Variants in TMEM255A observed in about 807,000 individuals in gnomAD.
TMEM255A encodes the protein transmembrane protein 255A.
Under a neutral mutation model 23.5 loss-of-function variants are expected in TMEM255A, and 14 were observed. That is an observed-to-expected ratio of 0.60 (90% CI 0.39 to 0.93). The LOEUF is 0.93. TMEM255A is among the 40% of genes least tolerant of loss of function. TMEM255A has a pLI of 0.00. For missense variants in TMEM255A, 233 were observed against 261.7 expected, an observed-to-expected ratio of 0.89 and a Z score of 0.76; for synonymous variants, 104 against 100.3, an observed-to-expected ratio of 1.04 and a Z score of -0.22.
chrX:120,273,306 C>T, intron 7 of TMEM255A: 1 of 316,065 alleles, frequency 3.2e-6, no homozygotes. Context: ...ATCATGCTTG[C>T]AGATGATGAC....
At chrX:120,254,978 G>A, downstream of TMEM255A, 1 of 1,212,068 alleles carries the variant, frequency 8.3e-7, no homozygotes, top group Non-Finnish European at 1.1e-6. Context: ...GGGAGAAGAA[G>A]TATCCGTGCC....
intron 4 of TMEM255A, among the ~76,000 whole-genome samples, chrX:120,288,526 CA>C (rs1276486587): frequency 8.9e-6 from 1 of 112,186 alleles, no homozygotes; most frequent in Non-Finnish European, 1.9e-5. Flanking sequence ...CCTGGTTTTG[CA>C]AAAAGCATTC....
chrX:120,269,591 C>G (rs1226243652), intron 7 of TMEM255A, among the ~76,000 whole-genome samples: 3 of 111,790 alleles, frequency 2.7e-5, no homozygotes, highest in Non-Finnish European at 5.6e-5. Flanking sequence ...CTGTTGCTCT[C>G]TTCCTTGGAG....
chrX:120,299,649 G>A (rs1290289603), intron 2 of TMEM255A, among the ~76,000 whole-genome samples: 2 of 112,077 alleles, frequency 1.8e-5, no homozygotes, highest in African/African-American at 6.5e-5. Context: ...TAGTAAGTGA[G>A]GGACTTATAT....
intron 3 of TMEM255A, among the ~76,000 whole-genome samples, chrX:120,292,000 A>G (rs1415530532): frequency 1.8e-5 from 2 of 111,321 alleles, no homozygotes; most frequent in South Asian, 7.7e-4. Context: ...TGTATGATAC[A>G]TATTTTTAAA....
intron 2 of TMEM255A, among the ~76,000 whole-genome samples, chrX:120,302,904 CCTCT>C (rs57553153): frequency 2.4e-4 from 26 of 107,852 alleles, no homozygotes; most frequent in African/African-American, 7.8e-4. Flanking sequence ...CCAATCCCCA[CCTCT>C]CTCTCTCTCT....
Position 120,259,171 on chromosome X carries a change from T to C in TMEM255A, c.*1699A>G, listed in dbSNP as rs1244081122. The C allele has an allele frequency of 8.9e-6, 1 of 112,520 alleles. No individual in the cohort carries two copies. Among genetic ancestry groups the C allele is most frequent in the Non-Finnish European group, 1.9e-5 (1 of 53,268 alleles). 9.3% of individuals were successfully genotyped at this position (112,520 alleles called of 1,213,427 possible). ...GTAAATGGCAAAAAAATTCATTGAG[T>C]ATTACAAGTTGATATTTGTTTAGTT... On this transcript the variant is annotated 3_prime_UTR_variant, in exon 9 of 9. Coordinates refer to ENST00000371369, the MANE Select transcript of TMEM255A (RefSeq NM_001104544.3).
At position 120,285,674 on chromosome X, in the gene TMEM255A, T is replaced by C. The variant is rs202031741; in HGVS notation, c.424-459A>G. ...CCTCATAACCCTCGTGGAAGGAGAATTTTTGGTTGAGGAACTTATGACCTT... is the reference window on the plus strand; with the variant it reads ...CCTCATAACCCTCGTGGAAGGAGAACTTTTGGTTGAGGAACTTATGACCTT... On this transcript the variant is annotated intron_variant, in intron 5 of 8. Coordinates refer to ENST00000371369, the MANE Select transcript of TMEM255A (RefSeq NM_001104544.3). 6 of 1,209,001 alleles carry C rather than the reference T, an allele frequency of 5.0e-6. No individual in the cohort carries two copies. In the Admixed American group the frequency reaches 1.3e-4, roughly 26 times the overall value.
intron 7 of TMEM255A, among the ~76,000 whole-genome samples, chrX:120,269,371 T>C (rs2057739701): frequency 8.9e-6 from 1 of 111,923 alleles, no homozygotes; most frequent in Admixed American, 9.5e-5. Flanking sequence ...TCTATGTCAT[T>C]GATACCTCCC....
At chrX:120,289,843 A>G (rs1382121910) in intron 4 of TMEM255A, among the ~76,000 whole-genome samples, 1 of 112,155 alleles carries the variant, frequency 8.9e-6, no homozygotes, top group Non-Finnish European at 1.9e-5. Flanking sequence ...TTATTAGTCC[A>G]TAAAACGGAA....
At chrX:120,285,718 TA>T (rs781881891) in intron 5 of TMEM255A, 39 of 1,207,639 alleles carry the variant, frequency 3.2e-5, no homozygotes, top group South Asian at 1.4e-4. Flanking sequence ...AAAATAGGGT[TA>T]GGGGGACCAG....
intron 2 of TMEM255A, among the ~76,000 whole-genome samples, chrX:120,296,472 C>G (rs1334606890): frequency 2.1e-5 from 2 of 96,213 alleles, no homozygotes; most frequent in Non-Finnish European, 4.1e-5. Flanking sequence ...ACGTTCACTA[C>G]TAGCTTTATG....
intron 2 of TMEM255A, among the ~76,000 whole-genome samples, chrX:120,296,809 TATATATCATATATAATATATATG>T (rs2057970505): frequency 8.3e-5 from 1 of 12,026 alleles, no homozygotes; most frequent in African/African-American, 3.8e-4. Context: ...TGATATATAA[TATATATCATATATAATATATATG>T]ATATATAATA....
intron 1 of TMEM255A, 95 bp downstream of exon 1, chrX:120,311,157 C>T: frequency 2.4e-6 from 2 of 843,845 alleles, no homozygotes; most frequent in East Asian, 3.5e-5. Context: ...GTTTCCCGCT[C>T]TCCGGCTTTT....
intron 2 of TMEM255A, among the ~76,000 whole-genome samples, chrX:120,300,351 T>A (rs1397889298): frequency 9.0e-6 from 1 of 111,159 alleles, no homozygotes; most frequent in Non-Finnish European, 1.9e-5. Flanking sequence ...ATCCAGTTTG[T>A]CTTTGTTTGT....
At chrX:120,308,572 G>C (rs1252358323) in intron 1 of TMEM255A, among the ~76,000 whole-genome samples, 1 of 111,848 alleles carries the variant, frequency 8.9e-6, no homozygotes, top group African/African-American at 3.3e-5. Context: ...AGGGCCTCAA[G>C]ACCCTGCCAA....
chrX:120,269,846 T>C, intron 7 of TMEM255A, among the ~76,000 whole-genome samples: 1 of 112,134 alleles, frequency 8.9e-6, no homozygotes, highest in Non-Finnish European at 1.9e-5. Flanking sequence ...CTTGGCATAC[T>C]GTCAATTAAA....
At chrX:120,253,978 C>CTGATGATGA (rs59686094), downstream of TMEM255A, 15 of 1,172,067 alleles carry the variant, frequency 1.3e-5, no homozygotes, top group South Asian at 7.4e-5. Context: ...GTTACCGATT[C>CTGATGATGA]TGATGATGAT....
In TMEM255A at chrX:120,268,375, G is replaced by C. The variant is rs1556017987; in HGVS notation, c.688C>G (p.Pro230Ala). The C allele has an allele frequency of 8.3e-7, 1 of 1,201,222 alleles. No individual in the cohort carries two copies. The highest frequency in any genetic ancestry group is 2.3e-5 in the Admixed American group (1 of 44,237). The change falls in exon 8 of 9, where the codon CCA (proline) becomes GCA (alanine). Residue 230 changes from proline (P) to alanine (A), a missense_variant. Physicochemically the swap from Pro to Ala is conservative, Grantham distance 27. Transcript: ENST00000371369. ...TTTTCAACAGAACAGTTCAGTGCTG[G>C]GAGAGTTGGGTTCTGTAGAAAAACA... ...GGFKDMNPTL[P>A]ALNCSVENTH...
Sources: gnomAD v4.1 joint callset for allele counts (sites outside exome capture counted in the v4.1 genomes callset) on GRCh38, gnomAD v4.1.1 for gene constraint, MANE v1.5 for transcripts, NCBI Gene and HGNC (gene_info 2026-07-23, HGNC 2026-07-21) for gene names.